The following ZNF10 variants were observed in gnomAD, a reference collection of about 807,000 sequenced individuals.
ZNF10 encodes the protein zinc finger protein 10.
Under a neutral mutation model 12.2 loss-of-function variants are expected in ZNF10, and 8 were observed. That is an observed-to-expected ratio of 0.66 (90% confidence interval 0.39 to 1.18). The LOEUF is 1.18. Ranked by LOEUF, ZNF10 falls within the 50% of genes most tolerant of loss-of-function variation. The pLI is 0.01. For synonymous variants in ZNF10, 229 were observed against 228.2 expected (o/e 1.00, Z -0.03); for missense variants, 603 against 678.9 (o/e 0.89, Z 1.24).
chr12:133,133,196 C>T (rs537821941), intron 1 of ZNF10, among the ~76,000 whole-genome samples: 7 of 152,198 alleles, frequency 4.6e-5, no homozygotes, highest in African/African-American at 1.4e-4. Context: ...TATTGGTTAC[C>T]GAGTTTTAAC....
chr12:133,156,061 A>G lies in ZNF10; in HGVS notation c.815A>G (p.Lys272Arg). ...CCCTATGAATGTAAGGAATGTGGAA[A>G]ATTCTTCAGCTGGCGCTCTAATCTT... ...EKPYECKECGKFFSWRSNLTR... is the reference protein window; with the variant it reads ...EKPYECKECGRFFSWRSNLTR... The change falls in exon 5 of 5, where the codon AAA (lysine) becomes AGA (arginine). Residue 272 changes from lysine to arginine, a missense_variant. Transcript: ENST00000248211. 1 of 1,613,478 alleles carries G rather than the reference A, an allele frequency of 6.2e-7. No homozygotes were observed. Among genetic ancestry groups the G allele is most frequent in the Non-Finnish European group, 8.5e-7 (1 of 1,179,942 alleles).
intron 1 of ZNF10, among the ~76,000 whole-genome samples, chr12:133,131,910 G>C (rs1233915816): frequency 6.6e-6 from 1 of 152,078 alleles, no homozygotes; most frequent in Non-Finnish European, 1.5e-5. Flanking sequence ...TATTTAAGTA[G>C]ATATGAGGCT....
At chr12:133,146,444 A>G (rs900099483) in intron 2 of ZNF10, among the ~76,000 whole-genome samples, 7 of 152,210 alleles carry the variant, frequency 4.6e-5, no homozygotes, top group Non-Finnish European at 8.8e-5. Context: ...CTCATAGGAC[A>G]TTCCATTTAA....
rs573096766 is a variant in ZNF10 at position 133,144,528 on chromosome 12, A to G, written c.33+3A>G. The G allele has an allele frequency of 6.2e-7, 1 of 1,613,864 alleles. No homozygotes were observed. Among genetic ancestry groups the G allele is most frequent in the South Asian group, 1.1e-5 (1 of 91,014 alleles). On this transcript the variant is annotated splice_donor_region_variant and intron_variant, in intron 2 of 4. Coordinates refer to ENST00000248211, the MANE Select transcript of ZNF10 (RefSeq NM_015394.5). ...AGTCACTAACTGCCTGGTCCCGGGTAAGCTGGGCTTTCTTCCCAGTTTCCA... is the reference window on the plus strand; with the variant it reads ...AGTCACTAACTGCCTGGTCCCGGGTGAGCTGGGCTTTCTTCCCAGTTTCCA...
chr12:133,155,909 A>G lies in ZNF10; in HGVS notation c.663A>G (p.Gln221=). The change falls in exon 5 of 5, where the codon CAA becomes CAG. Residue 221 remains glutamine, a synonymous_variant. Transcript: ENST00000248211. ...NSNECGQTFC[Q]NIHLIQFART... ...ATGAATGTGGTCAAACTTTCTGTCA[A>G]AACATTCACCTTATTCAGTTTGCAA... The G allele has an allele frequency of 6.2e-7, 1 of 1,613,984 alleles. No homozygotes were observed. Among genetic ancestry groups the G allele is most frequent in the Non-Finnish European group, 8.5e-7 (1 of 1,179,938 alleles).
intron 1 of ZNF10, among the ~76,000 whole-genome samples, chr12:133,139,498 A>G (rs976850334): frequency 1.3e-5 from 2 of 152,204 alleles, no homozygotes; most frequent in African/African-American, 4.8e-5. Flanking sequence ...CCATTTTTCT[A>G]TACGTACTGG....
chr12:133,133,283 C>G (rs1380149799), intron 1 of ZNF10, among the ~76,000 whole-genome samples: 2 of 152,194 alleles, frequency 1.3e-5, no homozygotes, highest in Non-Finnish European at 2.9e-5. Context: ...CTATTCAGAA[C>G]TTGAAGAGAC....
intron 2 of ZNF10, among the ~76,000 whole-genome samples, chr12:133,146,674 C>T (rs921490597): frequency 1.5e-4 from 23 of 152,080 alleles, no homozygotes; most frequent in Non-Finnish European, 2.8e-4. Flanking sequence ...GGTGGAACCC[C>T]GTCTCTACTA....
rs1449426011 is a variant in ZNF10, at chr12:133,158,947, A to T, written c.*1979A>T. 1 of 152,220 alleles carries T rather than the reference A, an allele frequency of 6.6e-6. No homozygotes were observed. Among genetic ancestry groups the T allele is most frequent in the East Asian group, 1.9e-4 (1 of 5,196 alleles). The allele number at this position is 152,220 out of a possible 1,614,324, so 9.4% of individuals were successfully genotyped here. On this transcript the variant is annotated 3_prime_UTR_variant, in exon 5 of 5. Coordinates refer to ENST00000248211, the MANE Select transcript of ZNF10 (RefSeq NM_015394.5). ...CTGCTCTTCTCACTGTGTACACACCATGCCCACATACAACATACCTATCAG... is the reference window on the plus strand; with the variant it reads ...CTGCTCTTCTCACTGTGTACACACCTTGCCCACATACAACATACCTATCAG...
Position 133,155,502 on chromosome 12 carries a change from G to A in ZNF10, c.257-1G>A, listed in dbSNP as rs1226127171. The A allele has an allele frequency of 6.3e-7, 1 of 1,578,108 alleles. No individual in the cohort carries two copies. The highest frequency in any genetic ancestry group is 8.6e-7 in the Non-Finnish European group (1 of 1,166,462). ...ACACAAACATTTTTCATTTCTTTCAGATTCAGAGACTGCATTTGAAATCAA... is the reference window on the plus strand; with the variant it reads ...ACACAAACATTTTTCATTTCTTTCAAATTCAGAGACTGCATTTGAAATCAA... On this transcript the variant is annotated splice_acceptor_variant, in intron 4 of 4. Transcript: ENST00000248211. LOFTEE classifies it high-confidence loss of function.
intron 4 of ZNF10, among the ~76,000 whole-genome samples, chr12:133,153,554 G>A (rs1259288923): frequency 6.6e-6 from 1 of 152,190 alleles, no homozygotes; most frequent in Non-Finnish European, 1.5e-5. Flanking sequence ...GTTGGGGAAA[G>A]GGAGGAAAGG....
At chr12:133,140,380 GGA>G (rs1955938187) in intron 1 of ZNF10, among the ~76,000 whole-genome samples, 1 of 25,716 alleles carries the variant, frequency 3.9e-5, no homozygotes, top group Non-Finnish European at 9.5e-5. Context: ...CCTCGACTTT[GGA>G]AAAAAAAGAA....
chr12:133,157,802 CCACTCTTATTAG>C lies in ZNF10; in HGVS notation c.*839_*850del, dbSNP rs1018395409. ...TTTGGGTCACAGAGTTCCACTTTTT[CCACTCTTATTAG>C]CACTGCAAAAGCTCCTGAGAATTTA... On this transcript the variant is annotated 3_prime_UTR_variant, in exon 5 of 5. Transcript: ENST00000248211. 2.6e-5 allele frequency: 4 copies of C among 152,074 alleles called. No homozygotes were observed. The highest frequency in any genetic ancestry group is 9.7e-5 in the African/African-American group (4 of 41,406). 9.4% of individuals were successfully genotyped at this position (152,074 alleles called of 1,614,324 possible).
chr12:133,144,463 C>G lies in ZNF10; in HGVS notation c.-30C>G, dbSNP rs745391160. On this transcript the variant is annotated 5_prime_UTR_variant, in exon 2 of 5. Coordinates refer to ENST00000248211, the MANE Select transcript of ZNF10 (RefSeq NM_015394.5). The stretch of plus-strand genomic sequence containing the variant: ...GTCTCCTCAGCACTCTGCTGTCACT[C>G]AAGGAAGTATCATCAAGAACAAGGA... 1 of 1,612,940 alleles carries G rather than the reference C, an allele frequency of 6.2e-7. No homozygotes were observed. Among genetic ancestry groups the G allele is most frequent in the Non-Finnish European group, 8.5e-7 (1 of 1,179,186 alleles).
chr12:133,156,258 A>G lies in ZNF10; in HGVS notation c.1012A>G (p.Thr338Ala). 6.2e-7 allele frequency: 1 copy of G among 1,614,084 alleles called. No individual in the cohort carries two copies. Among genetic ancestry groups the G allele is most frequent in the Non-Finnish European group, 8.5e-7 (1 of 1,179,998 alleles). The change falls in exon 5 of 5, where the codon ACT (threonine) becomes GCT (alanine). Residue 338 changes from threonine (T) to alanine (A), a missense_variant. Transcript: ENST00000248211. ...KSFSWFSHLV[T>A]HQRTHTGDKL... Reference sequence around the variant, plus strand: ...CTTCAGCTGGTTCTCTCACCTTGTTACTCATCAGAGAACTCATACAGGAGA... The same window carrying G: ...CTTCAGCTGGTTCTCTCACCTTGTTGCTCATCAGAGAACTCATACAGGAGA...
rs577805352 is a variant in ZNF10 at position 133,159,362 on chromosome 12, A to T, written c.*2394A>T. The T allele has an allele frequency of 4.0e-4, 61 of 152,384 alleles. No individual in the cohort carries two copies. Among genetic ancestry groups the T allele is most frequent in the Admixed American group, 3.3e-3 (50 of 15,302 alleles). 9.4% of individuals were successfully genotyped at this position (152,384 alleles called of 1,614,324 possible). A position where few individuals can be genotyped will look rare whatever the true frequency, so the allele number is the denominator to read the frequency against. On this transcript the variant is annotated 3_prime_UTR_variant, in exon 5 of 5. Transcript: ENST00000248211. ...AATATGTACACAAAAAGTTTGGTAA[A>T]GGAAAAATGCTGTCATGTGTTACAA...
At chr12:133,138,255 T>TTA (rs1281695128) in intron 1 of ZNF10, among the ~76,000 whole-genome samples, 4 of 152,092 alleles carry the variant, frequency 2.6e-5, no homozygotes, top group Admixed American at 2.0e-4. Flanking sequence ...CCCAAACTGT[T>TTA]TATAATTATG....
intron 1 of ZNF10, among the ~76,000 whole-genome samples, chr12:133,142,952 C>T (rs937143028): frequency 4.6e-5 from 7 of 152,124 alleles, no homozygotes; most frequent in African/African-American, 1.7e-4. Context: ...TGCAAGTGTT[C>T]ATCAACAGAT....
At chr12:133,144,227 G>A in intron 1 of ZNF10, 1 of 322,486 alleles carries the variant, frequency 3.1e-6, no homozygotes, top group Non-Finnish European at 5.7e-6. Context: ...AGAGATTAAG[G>A]GGGTAAAAAT....
Sources: gnomAD v4.1 joint callset for allele counts (sites outside exome capture counted in the v4.1 genomes callset) on GRCh38, gnomAD v4.1.1 for gene constraint, MANE v1.5 for transcripts, NCBI Gene and HGNC (gene_info 2026-07-23, HGNC 2026-07-21) for gene names.